Variants in ADD3 observed in about 807,000 individuals in gnomAD.
The protein encoded by ADD3 is gamma-adducin.
Under a neutral mutation model 80.2 loss-of-function variants are expected in ADD3, and 25 were observed. The ratio of observed to expected loss-of-function variants is 0.31; its 90% CI spans 0.23 to 0.44. The LOEUF (loss-of-function observed/expected upper bound fraction) is 0.44. Among genes scored for constraint, ADD3 ranks in the 20% least tolerant of loss-of-function variants. The pLI is 1.00. For synonymous variants in ADD3, 284 were observed against 289.6 expected (o/e 0.98, Z 0.20); for missense variants, 829 against 847.5 (o/e 0.98, Z 0.27).
rs546766081 is a variant in ADD3 at position 110,008,580 on chromosome 10, G to A, written c.-30+281G>A. Reference sequence around the variant, plus strand: ...GCACGGCCTGCGGCGCCGCCGGGTGGGCCCGACGCTTCGCGCGTCTGCTGG... The same window carrying A: ...GCACGGCCTGCGGCGCCGCCGGGTGAGCCCGACGCTTCGCGCGTCTGCTGG... On this transcript the variant is annotated intron_variant, in intron 1 of 14. Coordinates refer to ENST00000356080, the MANE Select transcript of ADD3 (RefSeq NM_016824.5). Among the ~76,000 whole-genome samples the A allele has an allele frequency of 3.9e-5, 6 of 152,306 alleles. No homozygotes were observed. In the East Asian group the frequency reaches 1.2e-3, roughly 30 times the overall value.
intron 12 of ADD3, among the ~76,000 whole-genome samples, chr10:110,128,860 G>A (rs963767320): frequency 9.2e-5 from 14 of 151,994 alleles, no homozygotes; most frequent in Admixed American, 2.6e-4. Context: ...TCTATTCTGA[G>A]TTGTTCCGTA....
chr10:110,122,685 A>G (rs564326424), intron 9 of ADD3, among the ~76,000 whole-genome samples: 2 of 151,452 alleles, frequency 1.3e-5, no homozygotes, highest in Non-Finnish European at 2.9e-5. Flanking sequence ...CCGTGACACA[A>G]TCAGGGCTCA....
chr10:110,078,616 C>T (rs1054454581), intron 1 of ADD3, among the ~76,000 whole-genome samples: 1 of 152,164 alleles, frequency 6.6e-6, no homozygotes, highest in Admixed American at 6.5e-5. Flanking sequence ...ACTCAGTGTA[C>T]AGCTATTAGT....
At chr10:110,048,619 G>T (rs1021461545) in intron 1 of ADD3, among the ~76,000 whole-genome samples, 4 of 152,176 alleles carry the variant, frequency 2.6e-5, no homozygotes, top group Non-Finnish European at 5.9e-5. Context: ...CAAAGAGACT[G>T]CCAGCATTTT....
At chr10:110,003,289 T>C (rs1388853020), upstream of ADD3, among the ~76,000 whole-genome samples, 1 of 103,606 alleles carries the variant, frequency 9.7e-6, no homozygotes, top group Non-Finnish European at 1.8e-5. Context: ...GTTGTTAAAT[T>C]GGGAACAGTA....
At chr10:110,090,468 A>G (rs1222903904) in intron 1 of ADD3, among the ~76,000 whole-genome samples, 1 of 152,124 alleles carries the variant, frequency 6.6e-6, no homozygotes, top group African/African-American at 2.4e-5. Flanking sequence ...CAGTCCGCCT[A>G]CCTTGGCCTT....
intron 1 of ADD3, among the ~76,000 whole-genome samples, chr10:110,091,228 G>T (rs1383028561): frequency 6.6e-6 from 1 of 152,082 alleles, no homozygotes; most frequent in African/African-American, 2.4e-5. Flanking sequence ...TCTAATGGCT[G>T]GATATATCTT....
intron 1 of ADD3, among the ~76,000 whole-genome samples, chr10:110,048,733 G>A (rs2133369607): frequency 6.6e-6 from 1 of 152,280 alleles, no homozygotes; most frequent in South Asian, 2.1e-4. Context: ...AGGTGACTTG[G>A]GTGCTGTTAA....
chr10:110,133,716 G>A lies in ADD3; in HGVS notation c.*98G>A, dbSNP rs952357883. On this transcript the variant is annotated 3_prime_UTR_variant, in exon 15 of 15. Coordinates refer to ENST00000356080, the MANE Select transcript of ADD3 (RefSeq NM_016824.5). ...TTAATATGCAATGGTAGATCAGATT[G>A]GGGGATGTAGCAAACTGGACTTTAA... The A allele has an allele frequency of 5.9e-6, 6 of 1,024,440 alleles. No individual in the cohort carries two copies. In the African/African-American group the frequency reaches 1.0e-4, roughly 17 times the overall value. The allele number at this position is 1,024,440 out of a possible 1,614,324, so 63.5% of individuals were successfully genotyped here.
intron 4 of ADD3, 96 bp from the exon 5 acceptor site, chr10:110,117,246 C>A: frequency 1.7e-6 from 1 of 590,790 alleles, no homozygotes; most frequent in Non-Finnish European, 3.0e-6. Context: ...TTTTCCTGAT[C>A]TCTTACAATT....
At chr10:110,033,108 G>A (rs1184626999) in intron 1 of ADD3, among the ~76,000 whole-genome samples, 4 of 152,220 alleles carry the variant, frequency 2.6e-5, no homozygotes, top group South Asian at 2.1e-4. Context: ...TATATAATGT[G>A]TGTGAGCACA....
intron 1 of ADD3, among the ~76,000 whole-genome samples, chr10:110,100,245 G>A (rs1411721221): frequency 6.6e-6 from 1 of 151,600 alleles, no homozygotes; most frequent in East Asian, 1.9e-4. Context: ...AACTACTCGG[G>A]AGGCTGAGGC....
chr10:110,100,763 G>A lies in ADD3; in HGVS notation c.110G>A (p.Arg37Lys). The A allele has an allele frequency of 1.2e-6, 2 of 1,613,944 alleles. No homozygotes were observed. Among genetic ancestry groups the A allele is most frequent in the Non-Finnish European group, 1.7e-6 (2 of 1,179,920 alleles). The change falls in exon 2 of 15, where the codon AGG (arginine) becomes AAG (lysine). Residue 37 changes from arginine to lysine, a missense_variant. Transcript: ENST00000356080. ...AATGAAAATGACCCAGAATACATTA[G>A]GGAGAGGAACATGTCTCCTGATCTA... ...RINENDPEYI[R>K]ERNMSPDLRQ...
rs545824796 is a variant in ADD3, at chr10:110,117,331, T to G, written c.487-11T>G. The G allele has an allele frequency of 2.5e-5, 38 of 1,519,216 alleles. No individual in the cohort carries two copies. The highest frequency in any genetic ancestry group is 4.1e-5 in the African/African-American group (3 of 72,690). The allele number at this position is 1,519,216 out of a possible 1,614,324, so 94.1% of individuals were successfully genotyped here. On this transcript the variant is annotated splice_polypyrimidine_tract_variant and intron_variant, in intron 4 of 14. Transcript: ENST00000356080. ...CACTTCATAGTAATTCCCTGTTGTT[T>G]TTTTTTCCAGGTAAGAATAAGTAAG...
chr10:110,116,534 A>G (rs1475122146), intron 4 of ADD3, 124 bp downstream of exon 4: 2 of 919,708 alleles, frequency 2.2e-6, no homozygotes, highest in Non-Finnish European at 3.2e-6. Context: ...ATGCTAGATC[A>G]CAACCAAATA....
intron 1 of ADD3, among the ~76,000 whole-genome samples, chr10:109,999,337 G>A (rs970592129): frequency 6.6e-6 from 1 of 152,178 alleles, no homozygotes; most frequent in Non-Finnish European, 1.5e-5. Context: ...TGTGGGACCT[G>A]TCTCAGAAAG....
At chr10:110,090,405 G>A (rs1847351525) in intron 1 of ADD3, among the ~76,000 whole-genome samples, 1 of 152,018 alleles carries the variant, frequency 6.6e-6, no homozygotes, top group Non-Finnish European at 1.5e-5. Context: ...ATTTTTAGTA[G>A]AGGTGGGGTT....
In ADD3 at chr10:110,013,968, A is replaced by G. The variant is rs537175575; in HGVS notation, c.-30+5669A>G. Among the ~76,000 whole-genome samples, 4 of 152,330 alleles carry G rather than the reference A, an allele frequency of 2.6e-5. No individual in the cohort carries two copies. The South Asian group carries it at 8.3e-4, about 32-fold the overall frequency. The stretch of plus-strand genomic sequence containing the variant: ...AGTGTTTCTGTGCAGTTCTTCCACA[A>G]TGGCTCAGCTCATCCTGAGCAAGGA... On this transcript the variant is annotated intron_variant, in intron 1 of 14. Coordinates refer to ENST00000356080, the MANE Select transcript of ADD3 (RefSeq NM_016824.5).
intron 1 of ADD3, among the ~76,000 whole-genome samples, chr10:110,042,821 G>T (rs1184067911): frequency 6.6e-6 from 1 of 151,848 alleles, no homozygotes; most frequent in Non-Finnish European, 1.5e-5. Flanking sequence ...TACAGTAATG[G>T]TAAAGCAGTT....
Sources: allele counts gnomAD v4.1 joint callset (sites outside exome capture counted in the v4.1 genomes callset), GRCh38; gene constraint gnomAD v4.1.1; transcripts MANE v1.5; gene names NCBI Gene and HGNC (gene_info 2026-07-23, HGNC 2026-07-21).